The following SEMA6D variants were observed in gnomAD, a reference collection of about 807,000 sequenced individuals.
SEMA6D encodes semaphorin-6D.
SEMA6D carries 35 observed loss-of-function variants against 106.6 expected under a neutral mutation model. The observed-to-expected ratio is 0.33, with a 90% CI of 0.25 to 0.44. The LOEUF (loss-of-function observed/expected upper bound fraction) is 0.44. Ranked by LOEUF, SEMA6D falls within the 20% of genes least tolerant of loss-of-function variation. The pLI, the probability that SEMA6D is intolerant of heterozygous loss-of-function variation, is 1.00. For synonymous variants in SEMA6D, 499 were observed against 487.7 expected (o/e 1.02, Z -0.31); for missense variants, 1,185 against 1,345.9 (o/e 0.88, Z 1.87).
chr15:47,683,373 C>G (rs1230700269), intron 4 of SEMA6D, among the ~76,000 whole-genome samples: 1 of 152,134 alleles, frequency 6.6e-6, no homozygotes, highest in African/African-American at 2.4e-5. Context: ...ATCAGTGTTG[C>G]TGCAAAGGAC....
At chr15:47,380,279 GTC>G (rs2039592077) in intron 1 of SEMA6D, among the ~76,000 whole-genome samples, 1 of 152,160 alleles carries the variant, frequency 6.6e-6, no homozygotes. Flanking sequence ...TTGAGTTCGA[GTC>G]TCTCTTCTTT....
chr15:47,695,501 C>A (rs963278066), intron 4 of SEMA6D, among the ~76,000 whole-genome samples: 1 of 151,978 alleles, frequency 6.6e-6, no homozygotes, highest in Non-Finnish European at 1.5e-5. Flanking sequence ...AAATGTTACA[C>A]ACACACACGC....
intron 1 of SEMA6D, among the ~76,000 whole-genome samples, chr15:47,190,034 G>C (rs1010586069): frequency 6.6e-6 from 1 of 152,170 alleles, no homozygotes; most frequent in African/African-American, 2.4e-5. Flanking sequence ...GAGTAAATTC[G>C]CATTGTGCAG....
At chr15:47,296,612 G>A (rs1156430374) in intron 1 of SEMA6D, among the ~76,000 whole-genome samples, 1 of 152,156 alleles carries the variant, frequency 6.6e-6, no homozygotes, top group African/African-American at 2.4e-5. Context: ...TAAAAGTGAA[G>A]AACCAGATAC....
chr15:47,645,358 C>T (rs1171683915), intron 4 of SEMA6D, among the ~76,000 whole-genome samples: 2 of 152,176 alleles, frequency 1.3e-5, no homozygotes, highest in East Asian at 1.9e-4. Context: ...ACAATTTCTC[C>T]TTGTCCAGCC....
intron 1 of SEMA6D, among the ~76,000 whole-genome samples, chr15:47,390,995 A>C (rs2040010636): frequency 6.6e-6 from 1 of 152,106 alleles, no homozygotes; most frequent in Admixed American, 6.6e-5. Context: ...CATTATTTCC[A>C]AGAAGATTCT....
At chr15:47,352,720 T>A (rs1271248822) in intron 1 of SEMA6D, among the ~76,000 whole-genome samples, 2 of 152,210 alleles carry the variant, frequency 1.3e-5, no homozygotes, top group Non-Finnish European at 2.9e-5. Context: ...CTTTAGTTGA[T>A]TGACAGTTTT....
chr15:47,766,693 C>G lies in SEMA6D; in HGVS notation c.1708+16C>G, dbSNP rs760892013. The G allele has an allele frequency of 2.6e-6, 4 of 1,532,138 alleles. No homozygotes were observed. The highest frequency in any genetic ancestry group is 3.6e-6 in the Non-Finnish European group (4 of 1,107,282). 94.9% of individuals were successfully genotyped at this position (1,532,138 alleles called of 1,614,324 possible). A position where few individuals can be genotyped will look rare whatever the true frequency, so the allele number is the denominator to read the frequency against. Reference sequence around the variant, plus strand: ...GACTGCCATGGTAAGACAGAATCTTCCATTCCCACCTGGAGCTTCTTTTTG... The same window carrying G: ...GACTGCCATGGTAAGACAGAATCTTGCATTCCCACCTGGAGCTTCTTTTTG... On this transcript the variant is annotated intron_variant, in intron 16 of 18. Coordinates refer to ENST00000536845, the MANE Select transcript of SEMA6D (RefSeq NM_001358351.3).
intron 3 of SEMA6D, among the ~76,000 whole-genome samples, chr15:47,478,545 A>G (rs2043061369): frequency 6.6e-6 from 1 of 152,174 alleles, no homozygotes; most frequent in South Asian, 2.1e-4. Flanking sequence ...TTATGAAGCA[A>G]CCCTGAAGTC....
intron 4 of SEMA6D, among the ~76,000 whole-genome samples, chr15:47,604,509 G>T (rs1052996306): frequency 1.3e-5 from 2 of 152,168 alleles, no homozygotes; most frequent in African/African-American, 4.8e-5. Flanking sequence ...AAGTAGTCCA[G>T]GAGACGTCTT....
At chr15:47,215,461 T>C (rs2030492680) in intron 1 of SEMA6D, among the ~76,000 whole-genome samples, 1 of 152,148 alleles carries the variant, frequency 6.6e-6, no homozygotes, top group African/African-American at 2.4e-5. Flanking sequence ...GTAACACAAA[T>C]ATGCTATTAA....
rs74922832 is a variant in SEMA6D at position 47,334,401 on chromosome 15, T to C, written c.-238-77992T>C. Among the ~76,000 whole-genome samples the C allele has an allele frequency of 6.6e-3, 1,010 of 152,310 alleles. 29 individuals are homozygous for C. In the East Asian group the frequency reaches 0.07, roughly 11 times the overall value. ...TCAGAATTTCTGGGGCCCAGACTTA[T>C]GACTAGTGTCTGGGAGGAGGGAGAA... On this transcript the variant is annotated intron_variant, in intron 1 of 19. Transcript: ENST00000558014.
chr15:47,263,660 G>A (rs141084962), intron 1 of SEMA6D, among the ~76,000 whole-genome samples: 315 of 151,984 alleles, frequency 2.1e-3, no homozygotes, highest in Middle Eastern at 3.4e-3. Flanking sequence ...ATAGTGTGGC[G>A]ATTCCCCGAA....
intron 3 of SEMA6D, among the ~76,000 whole-genome samples, chr15:47,566,144 A>G (rs2046224039): frequency 6.6e-6 from 1 of 152,230 alleles, no homozygotes; most frequent in Non-Finnish European, 1.5e-5. Context: ...TGACAGCGGC[A>G]GATGTCTGGA....
chr15:47,517,685 T>C (rs926243689), intron 3 of SEMA6D, among the ~76,000 whole-genome samples: 4 of 152,210 alleles, frequency 2.6e-5, no homozygotes, highest in African/African-American at 9.6e-5. Context: ...TCTTAGCTGC[T>C]GTATTTCCTT....
intron 1 of SEMA6D, among the ~76,000 whole-genome samples, chr15:47,201,371 C>G (rs943317780): frequency 6.6e-6 from 1 of 151,836 alleles, no homozygotes; most frequent in African/African-American, 2.4e-5. Flanking sequence ...AGAAATAGAG[C>G]GATAATGCTT....
intron 1 of SEMA6D, among the ~76,000 whole-genome samples, chr15:47,728,351 A>G (rs1296655428): frequency 1.3e-5 from 2 of 152,246 alleles, no homozygotes; most frequent in East Asian, 1.9e-4. Flanking sequence ...ACAATGAAAT[A>G]TACTTTGGGG....
chr15:47,608,888 A>G (rs1397200423), intron 4 of SEMA6D, among the ~76,000 whole-genome samples: 3 of 145,550 alleles, frequency 2.1e-5, no homozygotes, highest in African/African-American at 7.9e-5. Context: ...CAAGCTATAA[A>G]TTATACAAAA....
At chr15:47,529,538 A>T (rs186210891) in intron 3 of SEMA6D, among the ~76,000 whole-genome samples, 1 of 150,312 alleles carries the variant, frequency 6.7e-6, no homozygotes, top group African/African-American at 2.5e-5. Flanking sequence ...ACCTAGTCAC[A>T]CTCATGAAAG....
Sources: gnomAD v4.1 joint callset for allele counts (sites outside exome capture counted in the v4.1 genomes callset) on GRCh38, gnomAD v4.1.1 for gene constraint, MANE v1.5 for transcripts, NCBI Gene and HGNC (gene_info 2026-07-23, HGNC 2026-07-21) for gene names.